Variants in ASPA observed in about 807,000 individuals in gnomAD.
ASPA encodes ACY-2.
ASPA carries 25 observed loss-of-function variants against 29.6 expected under a neutral mutation model. The observed-to-expected ratio is 0.85, with a 90% CI of 0.62 to 1.18. The LOEUF (loss-of-function observed/expected upper bound fraction) is 1.18, where lower values mean the gene tolerates loss of function less well. Ranked by LOEUF, ASPA falls within the 50% of genes most tolerant of loss-of-function variation. ASPA has a pLI of 0.00. For synonymous variants in ASPA, 131 were observed against 130.3 expected, an observed-to-expected ratio of 1.01 and a Z score of -0.04; for missense variants, 333 against 385.7, an observed-to-expected ratio of 0.86 and a Z score of 1.14.
rs2073763348 is a variant in ASPA, at chr17:3,488,342, A to G, written c.527-893A>G. On this transcript the variant is annotated intron_variant, in intron 3 of 5. Coordinates refer to ENST00000263080, the MANE Select transcript of ASPA (RefSeq NM_000049.4). The surrounding 1 kb of genome is among the most constrained non-coding windows in gnomAD (Gnocchi z 6.1). ...ATTTCATATGAGTTAGAAGAAATGAACACAAGTTTTTTCCTGCATAAAATT... is the reference window on the plus strand; with the variant it reads ...ATTTCATATGAGTTAGAAGAAATGAGCACAAGTTTTTTCCTGCATAAAATT... Among the ~76,000 whole-genome samples the G allele has an allele frequency of 6.6e-6, 1 of 152,200 alleles. No individual in the cohort carries two copies. The highest frequency in any genetic ancestry group is 2.4e-5 in the African/African-American group (1 of 41,454).
At chr17:3,474,777 G>A (rs751567799), upstream of ASPA, among the ~76,000 whole-genome samples, 46 of 152,174 alleles carry the variant, frequency 3.0e-4, no homozygotes, top group Non-Finnish European at 3.5e-4. Flanking sequence ...ACACTGTAAT[G>A]GCTGTTTATG....
chr17:3,476,124 T>A lies in ASPA; in HGVS notation c.-36T>A. 1 of 1,581,798 alleles carries A rather than the reference T, an allele frequency of 6.3e-7. No homozygotes were observed. The highest frequency in any genetic ancestry group is 8.7e-7 in the Non-Finnish European group (1 of 1,152,080). ...ATCGAATTTCCTTTGATCTCTCTTC[T>A]GAATTGCAGAAATCAGATAAAAACT... On this transcript the variant is annotated 5_prime_UTR_variant, in exon 1 of 6. Transcript: ENST00000263080.
intron 1 of ASPA, among the ~76,000 whole-genome samples, chr17:3,477,438 C>CT (rs1391931383): frequency 9.2e-5 from 14 of 152,188 alleles, no homozygotes; most frequent in Middle Eastern, 3.4e-3. Flanking sequence ...CACATATTTG[C>CT]TTTTTACCAC....
At position 3,476,521 on chromosome 17, in the gene ASPA, T is replaced by C. The variant is rs9889588; in HGVS notation, c.236+126T>C. On this transcript the variant is annotated intron_variant, in intron 1 of 5. Transcript: ENST00000263080. ...TCCGTACATGCAGTCGTATGTTGAA[T>C]AAGATCACTTTCACTTTTAATTATA... 198,845 of 885,826 alleles carry C rather than the reference T, an allele frequency of 0.22. 24,452 individuals carry two copies. Among genetic ancestry groups the C allele is most frequent in the East Asian group, 0.41 (15,930 of 38,864 alleles). The allele number at this position is 885,826 out of a possible 1,614,324, so 54.9% of individuals were successfully genotyped here. A position where few individuals can be genotyped will look rare whatever the true frequency, so the allele number is the denominator to read the frequency against.
intron 5 of ASPA, among the ~76,000 whole-genome samples, chr17:3,498,016 T>C (rs2073936744): frequency 6.6e-6 from 1 of 152,150 alleles, no homozygotes; most frequent in Admixed American, 6.5e-5. Context: ...GATAACTCAG[T>C]TGTTACCCTA....
chr17:3,498,443 G>A (rs2073944192), intron 5 of ASPA, among the ~76,000 whole-genome samples: 1 of 152,042 alleles, frequency 6.6e-6, no homozygotes, highest in Admixed American at 6.6e-5. Flanking sequence ...ACCTCTGGGG[G>A]CTTGAGCAAT....
At chr17:3,489,447 T>C (rs1423819978) in intron 4 of ASPA, 105 bp downstream of exon 4, 1 of 955,104 alleles carries the variant, frequency 1.0e-6, no homozygotes, top group Non-Finnish European at 1.7e-6. Context: ...AAGTGCTTTT[T>C]AAAATTTTTA....
chr17:3,486,351 A>G (rs1275255930), intron 3 of ASPA, among the ~76,000 whole-genome samples: 1 of 152,194 alleles, frequency 6.6e-6, no homozygotes, highest in East Asian at 1.9e-4. Context: ...GATCATCTGG[A>G]ACAAAAATAG....
At position 3,490,169 on chromosome 17, in the gene ASPA, G is replaced by A. The variant is rs919045082; in HGVS notation, c.634+827G>A. 3.3e-5 allele frequency among the ~76,000 whole-genome samples: 5 copies of A among 152,218 alleles called. No individual in the cohort carries two copies. Among genetic ancestry groups the A allele is most frequent in the East Asian group, 3.9e-4 (2 of 5,186 alleles). ...CACCAAACTGATAACAATAGTTACC[G>A]GGGACGGGAGGCAAAACCCAGGCTA... On this transcript the variant is annotated intron_variant, in intron 4 of 5. Coordinates refer to ENST00000263080, the MANE Select transcript of ASPA (RefSeq NM_000049.4). The surrounding 1 kb of genome is among the most constrained non-coding windows in gnomAD (Gnocchi z 4.6).
intron 3 of ASPA, among the ~76,000 whole-genome samples, chr17:3,487,996 G>T (rs925025701): frequency 6.6e-6 from 1 of 152,132 alleles, no homozygotes; most frequent in African/African-American, 2.4e-5. Flanking sequence ...ATACATATAT[G>T]CAAGAAACCT....
chr17:3,497,955 C>G (rs1413396052), intron 5 of ASPA, among the ~76,000 whole-genome samples: 1 of 152,092 alleles, frequency 6.6e-6, no homozygotes. Flanking sequence ...GGTGTGACAG[C>G]CATGGTGCTT....
intron 5 of ASPA, among the ~76,000 whole-genome samples, 189 bp downstream of exon 5, chr17:3,494,648 G>A (rs1308460742): frequency 6.6e-6 from 1 of 152,168 alleles, no homozygotes; most frequent in African/African-American, 2.4e-5. Context: ...TGTGCTGGCT[G>A]TGTGGACACA....
chr17:3,494,660 C>A (rs1400950554), intron 5 of ASPA, among the ~76,000 whole-genome samples: 1 of 152,076 alleles, frequency 6.6e-6, no homozygotes, highest in Non-Finnish European at 1.5e-5. Flanking sequence ...GTGGACACAC[C>A]AGTAAGTATG....
chr17:3,476,909 A>G (rs1364194921), intron 1 of ASPA, among the ~76,000 whole-genome samples: 3 of 152,248 alleles, frequency 2.0e-5, no homozygotes, highest in Admixed American at 1.3e-4. Context: ...GACATCAGAC[A>G]CTTTGGGAGG....
chr17:3,499,372 A>C lies in ASPA; in HGVS notation c.*284A>C. The C allele has an allele frequency of 4.1e-6, 1 of 241,076 alleles. No individual in the cohort carries two copies. The highest frequency in any genetic ancestry group is 8.4e-5 in the East Asian group (1 of 11,854). The allele number at this position is 241,076 out of a possible 1,614,324, so 14.9% of individuals were successfully genotyped here. Reference sequence around the variant, plus strand: ...TTCTTAATAAACAGCCTTTGTATTCAGAATATAAAATTGAAATAGATATAT... The same window carrying C: ...TTCTTAATAAACAGCCTTTGTATTCCGAATATAAAATTGAAATAGATATAT... On this transcript the variant is annotated 3_prime_UTR_variant, in exon 6 of 6. Coordinates refer to ENST00000263080, the MANE Select transcript of ASPA (RefSeq NM_000049.4).
chr17:3,488,443 G>T lies in ASPA; in HGVS notation c.527-792G>T, dbSNP rs970344525. ...AAGCCGAGAAGGGCAGATTACCTGC[G>T]GTCAGGAGTTTGAGACCAGCCTGAC... On this transcript the variant is annotated intron_variant, in intron 3 of 5. Transcript: ENST00000263080. The surrounding 1 kb of genome is among the most constrained non-coding windows in gnomAD (Gnocchi z 6.1). 3.9e-5 allele frequency among the ~76,000 whole-genome samples: 6 copies of T among 152,124 alleles called. No individual in the cohort carries two copies. Among genetic ancestry groups the T allele is most frequent in the Non-Finnish European group, 7.4e-5 (5 of 68,024 alleles).
intron 5 of ASPA, among the ~76,000 whole-genome samples, chr17:3,498,231 A>G (rs1567619466): frequency 6.6e-6 from 1 of 152,248 alleles, no homozygotes; most frequent in Non-Finnish European, 1.5e-5. Flanking sequence ...ACAGAATTTA[A>G]CTTGAGCTGG....
chr17:3,483,744 C>T lies in ASPA; in HGVS notation c.526+152C>T, dbSNP rs2073674495. 12 of 724,856 alleles carry T rather than the reference C, an allele frequency of 1.7e-5. No homozygotes were observed. The Admixed American group carries it at 2.4e-4, about 14-fold the overall frequency. The allele number at this position is 724,856 out of a possible 1,614,324, so 44.9% of individuals were successfully genotyped here. On this transcript the variant is annotated intron_variant, in intron 3 of 5. Coordinates refer to ENST00000263080, the MANE Select transcript of ASPA (RefSeq NM_000049.4). The stretch of plus-strand genomic sequence containing the variant: ...ATGGTGTGATCTCAGCTCACTGCAA[C>T]CTCTACCTCTCTGGTTCAAGTGATT...
chr17:3,485,517 AAAAC>A lies in ASPA; in HGVS notation c.526+1937_526+1940del, dbSNP rs1177709890. 1.3e-5 allele frequency among the ~76,000 whole-genome samples: 2 copies of A among 152,214 alleles called. No individual in the cohort carries two copies. The highest frequency in any genetic ancestry group is 2.4e-5 in the African/African-American group (1 of 41,464). On this transcript the variant is annotated intron_variant, in intron 3 of 5. Coordinates refer to ENST00000263080, the MANE Select transcript of ASPA (RefSeq NM_000049.4). The surrounding 1 kb of genome is among the most constrained non-coding windows in gnomAD (Gnocchi z 4.4). The stretch of plus-strand genomic sequence containing the variant: ...AACAAAAGTGAAACTCCGTCTCAAA[AAAAC>A]AAACAAACAAAAATACTAGCCATCT...
Sources: allele counts gnomAD v4.1 joint callset (sites outside exome capture counted in the v4.1 genomes callset), GRCh38; gene constraint gnomAD v4.1.1; non-coding constraint Gnocchi (gnomAD v3.1); transcripts MANE v1.5; gene names NCBI Gene and HGNC (gene_info 2026-07-23, HGNC 2026-07-21).